Variants in IGSF21 observed in about 807,000 individuals in gnomAD.
IGSF21 encodes immunoglobin superfamily member 21.
In IGSF21, 28 loss-of-function variants were observed where a neutral mutation model predicts 46.8. The observed-to-expected ratio is 0.60, with a 90% CI of 0.44 to 0.82. The LOEUF is 0.82. Ranked by LOEUF, IGSF21 falls within the 40% of genes least tolerant of loss-of-function variation. The pLI is 0.00. For missense variants in IGSF21, 624 were observed against 665.5 expected (o/e 0.94, Z 0.69); for synonymous variants, 284 against 273.6 (o/e 1.04, Z -0.38).
At chr1:18,301,027 T>G (rs1300686830) in intron 3 of IGSF21, among the ~76,000 whole-genome samples, 1 of 152,240 alleles carries the variant, frequency 6.6e-6, no homozygotes, top group Non-Finnish European at 1.5e-5. Flanking sequence ...GCTGAAGGGT[T>G]GTATTCCAAT....
intron 5 of IGSF21, among the ~76,000 whole-genome samples, chr1:18,364,207 C>A (rs2086134499): frequency 6.6e-6 from 1 of 151,988 alleles, no homozygotes. Context: ...CCTGAGACAT[C>A]AGAACTTTAA....
In IGSF21 at chr1:18,335,661, C is replaced by A. The variant is rs564228606; in HGVS notation, c.424+651C>A. ...ACACCTTTGGATTCTGGCTCTATTGCAAGGATGCTGGGGACTTGGCCTTGA... is the reference window on the plus strand; with the variant it reads ...ACACCTTTGGATTCTGGCTCTATTGAAAGGATGCTGGGGACTTGGCCTTGA... On this transcript the variant is annotated intron_variant, in intron 4 of 9. Coordinates refer to ENST00000251296, the MANE Select transcript of IGSF21 (RefSeq NM_032880.5). The surrounding 1 kb of genome is among the most constrained non-coding windows in gnomAD (Gnocchi z 4.8). 1.4e-4 allele frequency among the ~76,000 whole-genome samples: 22 copies of A among 152,300 alleles called. No homozygotes were observed. Among genetic ancestry groups the A allele is most frequent in the African/African-American group, 4.3e-4 (18 of 41,560 alleles).
chr1:18,298,293 G>GCCGT (rs1332921184), intron 3 of IGSF21, among the ~76,000 whole-genome samples: 2 of 151,390 alleles, frequency 1.3e-5, no homozygotes, highest in African/African-American at 4.9e-5. Context: ...CGAAGACAAA[G>GCCGT]CCGTCCACAG....
At chr1:18,241,307 G>T (rs749973179) in intron 2 of IGSF21, among the ~76,000 whole-genome samples, 1 of 152,134 alleles carries the variant, frequency 6.6e-6, no homozygotes, top group East Asian at 1.9e-4. Context: ...ACTTTGCATT[G>T]TCTGGCCCCT....
Position 18,377,872 on chromosome 1 carries a change from C to T in IGSF21, c.1334-384C>T, listed in dbSNP as rs143412678. Among the ~76,000 whole-genome samples, 285 of 152,314 alleles carry T rather than the reference C, an allele frequency of 1.9e-3. 2 individuals carry two copies. The highest frequency in any genetic ancestry group is 5.6e-3 in the Admixed American group (85 of 15,300). Reference sequence around the variant, plus strand: ...GGGAGCATCAACGGATGTCTCAGTGCAGGCCCTTTATACTGTCCTCCCTGG... The same window carrying T: ...GGGAGCATCAACGGATGTCTCAGTGTAGGCCCTTTATACTGTCCTCCCTGG... On this transcript the variant is annotated intron_variant, in intron 9 of 9. Coordinates refer to ENST00000251296, the MANE Select transcript of IGSF21 (RefSeq NM_032880.5).
At chr1:18,189,052 T>G (rs1270681669) in intron 1 of IGSF21, among the ~76,000 whole-genome samples, 1 of 151,924 alleles carries the variant, frequency 6.6e-6, no homozygotes, top group Non-Finnish European at 1.5e-5. Flanking sequence ...AATCCCAGAG[T>G]CAGAGCCCAG....
intron 2 of IGSF21, among the ~76,000 whole-genome samples, chr1:18,263,849 C>A (rs1028675495): frequency 6.6e-6 from 1 of 152,176 alleles, no homozygotes; most frequent in Non-Finnish European, 1.5e-5. Flanking sequence ...CGTCTTCTTT[C>A]TCTTCTGTAG....
In IGSF21 at chr1:18,128,650, C is replaced by T. The variant is rs554581690; in HGVS notation, c.70+20452C>T. On this transcript the variant is annotated intron_variant, in intron 1 of 9. Coordinates refer to ENST00000251296, the MANE Select transcript of IGSF21 (RefSeq NM_032880.5). ...CTTATTTAATTCTTGCAGAACTCCA[C>T]GTGGTGGGCCCTACTGTATTCTCCA... 9.3e-4 allele frequency among the ~76,000 whole-genome samples: 141 copies of T among 152,264 alleles called. 1 individual carries two copies. In the South Asian group the frequency reaches 0.012, roughly 13 times the overall value.
intron 4 of IGSF21, among the ~76,000 whole-genome samples, chr1:18,347,926 T>C (rs1201398479): frequency 2.0e-5 from 3 of 152,080 alleles, no homozygotes; most frequent in Non-Finnish European, 4.4e-5. Flanking sequence ...ACTGAGAGAG[T>C]CCCATCTCCC....
chr1:18,305,469 A>G (rs1485117163), intron 3 of IGSF21, among the ~76,000 whole-genome samples: 12 of 131,008 alleles, frequency 9.2e-5, no homozygotes, highest in Non-Finnish European at 1.3e-4. Flanking sequence ...CATGGATGAC[A>G]GATGGATGGA....
At chr1:18,287,189 A>T (rs375488056) in intron 2 of IGSF21, among the ~76,000 whole-genome samples, 106,113 of 136,402 alleles carry the variant, frequency 0.78, 43,049 homozygotes, top group East Asian at 0.97. Flanking sequence ...TCAAAAAAAA[A>T]AAATAAAATA....
chr1:18,284,028 C>T (rs368486937), intron 2 of IGSF21, among the ~76,000 whole-genome samples: 2 of 152,300 alleles, frequency 1.3e-5, no homozygotes, highest in East Asian at 1.9e-4. Flanking sequence ...GGAAACCACA[C>T]GTTTCAGAAA....
chr1:18,349,896 A>AG (rs1376661275), intron 4 of IGSF21, among the ~76,000 whole-genome samples: 2 of 150,688 alleles, frequency 1.3e-5, no homozygotes, highest in African/African-American at 2.4e-5. Context: ...CCATCTCTTA[A>AG]AAAAAAAACC....
At chr1:18,162,514 C>T (rs1474421709) in intron 1 of IGSF21, among the ~76,000 whole-genome samples, 1 of 152,204 alleles carries the variant, frequency 6.6e-6, no homozygotes, top group African/African-American at 2.4e-5. Context: ...GACAGTGATA[C>T]ACTGATACCC....
At chr1:18,203,809 T>C (rs534028811) in intron 1 of IGSF21, among the ~76,000 whole-genome samples, 53 of 152,342 alleles carry the variant, frequency 3.5e-4, no homozygotes, top group African/African-American at 1.3e-3. Flanking sequence ...TGTAAAGAGC[T>C]AGATGGTAAA....
chr1:18,162,039 T>C (rs559562948), intron 1 of IGSF21, among the ~76,000 whole-genome samples: 81 of 152,210 alleles, frequency 5.3e-4, no homozygotes, highest in African/African-American at 1.6e-3. Context: ...TTCTTTTTCC[T>C]TTTCCTTTTC....
At chr1:18,347,624 C>A (rs1485628161) in intron 4 of IGSF21, among the ~76,000 whole-genome samples, 1 of 152,232 alleles carries the variant, frequency 6.6e-6, no homozygotes, top group Non-Finnish European at 1.5e-5. Context: ...GATTGCCACT[C>A]TCCTTCCGTG....
intron 2 of IGSF21, among the ~76,000 whole-genome samples, chr1:18,285,290 G>T (rs1311671882): frequency 6.6e-6 from 1 of 151,938 alleles, no homozygotes; most frequent in Non-Finnish European, 1.5e-5. Context: ...AGCCAGGCCG[G>T]TCAGCGGGCT....
At chr1:18,357,738 C>T (rs185256909) in intron 4 of IGSF21, among the ~76,000 whole-genome samples, 95 of 152,158 alleles carry the variant, frequency 6.2e-4, no homozygotes, top group African/African-American at 1.9e-3. Flanking sequence ...TGGATGGAGA[C>T]GGCTCCCTGA....
Sources: gnomAD v4.1 joint callset for allele counts (sites outside exome capture counted in the v4.1 genomes callset) on GRCh38, gnomAD v4.1.1 for gene constraint, Gnocchi (gnomAD v3.1) non-coding constraint, MANE v1.5 for transcripts, NCBI Gene and HGNC (gene_info 2026-07-23, HGNC 2026-07-21) for gene names.